FBXW10B: variants seen among roughly 807,000 people sequenced by gnomAD.
FBXW10B encodes the protein F-box and WD repeat domain containing protein 10B.
the FBXW10B span, among the ~76,000 whole-genome samples, chr17:15,596,934 G>A: frequency 6.6e-6 from 1 of 152,058 alleles, no homozygotes; most frequent in Non-Finnish European, 1.5e-5. Context: ...TTAGCCTTGA[G>A]GCCCAAGTGC....
chr17:15,577,130 A>C, the FBXW10B span, among the ~76,000 whole-genome samples: 3 of 151,538 alleles, frequency 2.0e-5, no homozygotes, highest in Admixed American at 6.6e-5. Context: ...TATATTGCTA[A>C]TGTAATAAGA....
At chr17:15,618,138 G>A in the FBXW10B span, among the ~76,000 whole-genome samples, 50 of 152,252 alleles carry the variant, frequency 3.3e-4, no homozygotes, top group African/African-American at 1.1e-3. Flanking sequence ...GACCAGCCTG[G>A]CCAGCATGGT....
the FBXW10B span, among the ~76,000 whole-genome samples, chr17:15,610,211 C>T: frequency 5.1e-4 from 78 of 152,160 alleles, no homozygotes; most frequent in Non-Finnish European, 1.9e-4. Flanking sequence ...GAGAGAAAGG[C>T]GAAGGGTGGC....
the FBXW10B span, chr17:15,589,235 T>C: frequency 0.012 from 18,826 of 1,574,762 alleles, 508 homozygotes; most frequent in African/African-American, 0.11. Context: ...ATTCTGTGGA[T>C]GCAGAGTAAA....
the FBXW10B span, among the ~76,000 whole-genome samples, chr17:15,589,925 AT>A: frequency 6.6e-6 from 1 of 152,218 alleles, no homozygotes; most frequent in African/African-American, 2.4e-5. Context: ...AATGGCTTTA[AT>A]ATCCTGTAAA....
chr17:15,598,259 A>G, the FBXW10B span, among the ~76,000 whole-genome samples: 1 of 151,996 alleles, frequency 6.6e-6, no homozygotes, highest in Non-Finnish European at 1.5e-5. Context: ...ATAAAAAGTT[A>G]TATCTAAAGG....
chr17:15,577,201 AG>A, the FBXW10B span, among the ~76,000 whole-genome samples: 5 of 152,198 alleles, frequency 3.3e-5, no homozygotes, highest in Admixed American at 3.3e-4. Context: ...GTGAAGTGGC[AG>A]GAAGAACAAA....
chr17:15,600,917 G>A, the FBXW10B span, among the ~76,000 whole-genome samples: 1 of 150,050 alleles, frequency 6.7e-6, no homozygotes. Context: ...CAGGCGTGGT[G>A]GCACATGCTT....
the FBXW10B span, among the ~76,000 whole-genome samples, chr17:15,594,022 C>A: frequency 6.6e-6 from 1 of 152,130 alleles, no homozygotes; most frequent in East Asian, 1.9e-4. Flanking sequence ...AATTAGGTCA[C>A]AGGGCCACAA....
the FBXW10B span, among the ~76,000 whole-genome samples, chr17:15,601,408 CAAAAAAAAAAAA>C: frequency 3.0e-5 from 2 of 66,622 alleles, no homozygotes; most frequent in Admixed American, 1.6e-4. Flanking sequence ...GACTCCGTCT[CAAAAAAAAAAAA>C]AAAAAAAAAG....
chr17:15,617,068 C>G, the FBXW10B span, among the ~76,000 whole-genome samples: 2 of 152,116 alleles, frequency 1.3e-5, no homozygotes, highest in African/African-American at 4.8e-5. Context: ...TTCAGATGCC[C>G]TGGACTTTGG....
the FBXW10B span, among the ~76,000 whole-genome samples, chr17:15,610,460 T>A: frequency 1.6e-4 from 24 of 152,306 alleles, no homozygotes; most frequent in African/African-American, 5.8e-4. Flanking sequence ...AGCTTCACTA[T>A]CTTAGTGCAC....
At chr17:15,602,375 G>A in the FBXW10B span, among the ~76,000 whole-genome samples, 10 of 151,992 alleles carry the variant, frequency 6.6e-5, no homozygotes, top group Non-Finnish European at 1.5e-4. Context: ...GGGAGAAACT[G>A]CTCACATTAT....
the FBXW10B span, chr17:15,568,920 G>A: frequency 8.1e-7 from 1 of 1,231,592 alleles, no homozygotes; most frequent in Non-Finnish European, 1.0e-6. Context: ...CCCATCATCG[G>A]TTTTGCGTGG....
chr17:15,614,363 T>C, the FBXW10B span, among the ~76,000 whole-genome samples: 2 of 151,720 alleles, frequency 1.3e-5, no homozygotes, highest in Non-Finnish European at 2.9e-5. Flanking sequence ...TAATTTTTTG[T>C]ATTTTTTTTT....
At chr17:15,612,175 T>G in the FBXW10B span, among the ~76,000 whole-genome samples, 1 of 152,090 alleles carries the variant, frequency 6.6e-6, no homozygotes, top group Non-Finnish European at 1.5e-5. Context: ...ACCAAATCAA[T>G]CCACCCATCC....
the FBXW10B span, chr17:15,607,645 T>C: frequency 1.9e-6 from 3 of 1,613,730 alleles, no homozygotes; most frequent in South Asian, 3.3e-5. Flanking sequence ...CCTGCTGCGT[T>C]TCCTCGTTCT....
the FBXW10B span, among the ~76,000 whole-genome samples, chr17:15,591,927 C>T: frequency 6.6e-6 from 1 of 152,134 alleles, no homozygotes; most frequent in African/African-American, 2.4e-5. Context: ...CTGATCCCCA[C>T]TTTAATGCTC....
chr17:15,594,831 G>C, the FBXW10B span: 19 of 1,613,924 alleles, frequency 1.2e-5, no homozygotes, highest in Non-Finnish European at 1.5e-5. Context: ...TGCTTCCTGA[G>C]AGGAGATGCC....
Sources: allele counts gnomAD v4.1 joint callset (sites outside exome capture counted in the v4.1 genomes callset), GRCh38; gene constraint gnomAD v4.1.1; transcripts MANE v1.5; gene names NCBI Gene and HGNC (gene_info 2026-07-23, HGNC 2026-07-21).